SAMSN1: variants seen among roughly 807,000 people sequenced by gnomAD.
The protein encoded by SAMSN1 is SAM domain, SH3 domain and nuclear localization signals 1, also known as SAM domain-containing protein SAMSN-1.
SAMSN1 carries 31 observed loss-of-function variants against 42.0 expected under a neutral mutation model. The ratio of observed to expected loss-of-function variants is 0.74; its 90% CI spans 0.55 to 1.00. The LOEUF is 1.00. Ranked by LOEUF, SAMSN1 falls within the 50% of genes least tolerant of loss-of-function variation. The probability of loss-of-function intolerance (pLI) is 0.00; values close to 1 mark genes in which losing one functional copy is unlikely to be tolerated. For synonymous variants in SAMSN1, 178 were observed against 151.9 expected (o/e 1.17, Z -1.26); for missense variants, 464 against 439.4 (o/e 1.06, Z -0.50).
chr21:14,618,260 C>G (rs1173672929), intron 2 of SAMSN1, among the ~76,000 whole-genome samples: 3 of 152,122 alleles, frequency 2.0e-5, no homozygotes, highest in Non-Finnish European at 4.4e-5. Context: ...TTTTTAATCT[C>G]TATTAAGATG....
rs558165946 is a variant in SAMSN1 at position 14,518,758 on chromosome 21, T to G, written c.130-1717A>C. 1.1e-4 allele frequency among the ~76,000 whole-genome samples: 17 copies of G among 152,330 alleles called. No homozygotes were observed. The South Asian group carries it at 2.1e-3, about 19-fold the overall frequency. Reference sequence around the variant, plus strand: ...TTAAACCCTCATTGCACTTTATTAATTTCTACATTCAAGGTTGAAATCAAG... The same window carrying G: ...TTAAACCCTCATTGCACTTTATTAAGTTCTACATTCAAGGTTGAAATCAAG... On this transcript the variant is annotated intron_variant, in intron 2 of 7. Transcript: ENST00000400566.
rs150964281 is a variant in SAMSN1 at position 14,652,942 on chromosome 21, C to T, written c.24+5806G>A. 5.5e-4 allele frequency among the ~76,000 whole-genome samples: 83 copies of T among 152,114 alleles called. 1 individual carries two copies. In the East Asian group the frequency reaches 0.014, roughly 25 times the overall value. ...AACAGGCATGTGAAAAAGTGCTCAA[C>T]GTCATTTATCATCAGAGAAATGCAA... On this transcript the variant is annotated intron_variant, in intron 1 of 15. Coordinates refer to the SAMSN1 transcript ENST00000647101.
At chr21:14,630,957 T>A (rs552467562) in intron 2 of SAMSN1, among the ~76,000 whole-genome samples, 1 of 152,050 alleles carries the variant, frequency 6.6e-6, no homozygotes, top group Admixed American at 6.6e-5. Context: ...AACTTGGGAG[T>A]CACCTACTTT....
intron 7 of SAMSN1, among the ~76,000 whole-genome samples, chr21:14,589,484 T>A (rs1252989767): frequency 6.6e-6 from 1 of 152,008 alleles, no homozygotes; most frequent in Non-Finnish European, 1.5e-5. Context: ...AGGATAAGTA[T>A]CAGGTACTTT....
intron 2 of SAMSN1, among the ~76,000 whole-genome samples, chr21:14,637,755 C>A (rs189979484): frequency 6.6e-6 from 1 of 152,168 alleles, no homozygotes; most frequent in African/African-American, 2.4e-5. Context: ...TTTACAGGAC[C>A]CAAGTATTGC....
rs939095143 is a variant in SAMSN1 at position 14,598,895 on chromosome 21, C to G, written c.399+3128G>C. Among the ~76,000 whole-genome samples the G allele has an allele frequency of 3.9e-5, 6 of 152,098 alleles. 1 individual carries two copies. The highest frequency in any genetic ancestry group is 7.4e-5 in the Non-Finnish European group (5 of 68,022). On this transcript the variant is annotated intron_variant, in intron 6 of 15. Transcript: ENST00000647101. ...ATAGGAAAATATTTGCACTAGGATA[C>G]TATTCATTATTTTAACTCTTTCTAT...
intron 2 of SAMSN1, among the ~76,000 whole-genome samples, chr21:14,556,374 A>G (rs986074447): frequency 3.9e-5 from 6 of 152,198 alleles, no homozygotes; most frequent in African/African-American, 1.4e-4. Flanking sequence ...TTACAAATAA[A>G]TAGAAAATAA....
upstream of SAMSN1, among the ~76,000 whole-genome samples, chr21:14,550,495 T>C (rs911531809): frequency 6.6e-5 from 10 of 152,096 alleles, no homozygotes; most frequent in African/African-American, 2.4e-4. Context: ...TACTGAGGTT[T>C]GCCATTTCCA....
chr21:14,613,694 C>A (rs1167595361), intron 3 of SAMSN1, among the ~76,000 whole-genome samples: 3 of 151,928 alleles, frequency 2.0e-5, no homozygotes, highest in Non-Finnish European at 4.4e-5. Context: ...ACAAATAAAG[C>A]TATTTATAAT....
At chr21:14,642,859 A>G (rs1207730650) in intron 2 of SAMSN1, 1 of 566,612 alleles carries the variant, frequency 1.8e-6, no homozygotes, top group Non-Finnish European at 3.2e-6. Flanking sequence ...AGACAACAAG[A>G]AAGAGAAAAG....
chr21:14,518,556 G>T (rs947948718), intron 2 of SAMSN1, among the ~76,000 whole-genome samples: 2 of 152,074 alleles, frequency 1.3e-5, no homozygotes, highest in Non-Finnish European at 2.9e-5. Context: ...ATTACTGGTA[G>T]GTGGACAGGT....
At chr21:14,617,033 G>C (rs528134498) in intron 2 of SAMSN1, among the ~76,000 whole-genome samples, 115 of 152,240 alleles carry the variant, frequency 7.6e-4, no homozygotes, top group African/African-American at 2.7e-3. Context: ...TTTTCCTAGT[G>C]GTTGAGCAGA....
intron 1 of SAMSN1, among the ~76,000 whole-genome samples, chr21:14,526,993 A>G (rs999639545): frequency 1.3e-5 from 2 of 152,198 alleles, no homozygotes; most frequent in East Asian, 1.9e-4. Context: ...TATTTGGGTA[A>G]GGTGCTGGTG....
At chr21:14,649,018 C>T (rs1335301211) in intron 1 of SAMSN1, among the ~76,000 whole-genome samples, 6 of 151,928 alleles carry the variant, frequency 3.9e-5, no homozygotes, top group Admixed American at 1.3e-4. Flanking sequence ...TTGGAACCAA[C>T]CCAAATGCCC....
chr21:14,594,481 G>A (rs1982197366), intron 6 of SAMSN1, among the ~76,000 whole-genome samples: 1 of 152,096 alleles, frequency 6.6e-6, no homozygotes, highest in Non-Finnish European at 1.5e-5. Context: ...TAATCCCTTA[G>A]TGCTCTACAT....
chr21:14,626,815 G>A (rs572263836), intron 2 of SAMSN1, among the ~76,000 whole-genome samples: 1 of 152,246 alleles, frequency 6.6e-6, no homozygotes, highest in Non-Finnish European at 1.5e-5. Flanking sequence ...CTGCTATAAA[G>A]ACACATGCAC....
chr21:14,624,058 A>C (rs1983095617), intron 2 of SAMSN1, among the ~76,000 whole-genome samples: 1 of 152,210 alleles, frequency 6.6e-6, no homozygotes, highest in African/African-American at 2.4e-5. Flanking sequence ...GGCAAAAAGA[A>C]AGATGTTCTT....
At chr21:14,510,630 C>T (rs1327667054) in intron 4 of SAMSN1, among the ~76,000 whole-genome samples, 169 bp from the exon 5 acceptor site, 1 of 152,094 alleles carries the variant, frequency 6.6e-6, no homozygotes, top group African/African-American at 2.4e-5. Flanking sequence ...CCATCAGTGA[C>T]GTCTGTCCTC....
chr21:14,546,405 A>G, upstream of SAMSN1: 2 of 1,367,088 alleles, frequency 1.5e-6, no homozygotes. Flanking sequence ...TCAGGATATG[A>G]CTTCAACATT....
Sources: gnomAD v4.1 joint callset for allele counts (sites outside exome capture counted in the v4.1 genomes callset) on GRCh38, gnomAD v4.1.1 for gene constraint, MANE v1.5 for transcripts, NCBI Gene and HGNC (gene_info 2026-07-23, HGNC 2026-07-21) for gene names.